ATP6V1B2: variants seen among roughly 807,000 people sequenced by gnomAD.
The protein encoded by ATP6V1B2 is ATPase H+ transporting V1 subunit B2, also known as V-type proton ATPase subunit B, brain isoform.
Under a neutral mutation model 66.7 loss-of-function variants are expected in ATP6V1B2, and 23 were observed. The observed-to-expected ratio is 0.34, with a 90% CI of 0.25 to 0.49. ATP6V1B2 has a LOEUF of 0.49. Ranked by LOEUF, ATP6V1B2 falls within the 20% of genes least tolerant of loss-of-function variation. ATP6V1B2 has a pLI of 0.99. For synonymous variants in ATP6V1B2, 278 were observed against 236.7 expected, an observed-to-expected ratio of 1.17 and a Z score of -1.60; for missense variants, 478 against 650.8, an observed-to-expected ratio of 0.73 and a Z score of 2.89.
chr8:20,209,589 G>C (rs536485728), intron 3 of ATP6V1B2, 58 bp downstream of exon 3: 1 of 1,450,312 alleles, frequency 6.9e-7, no homozygotes, highest in African/African-American at 1.4e-5. Flanking sequence ...AGGGAACACT[G>C]CTTGTTTCTT....
intron 13 of ATP6V1B2, among the ~76,000 whole-genome samples, chr8:20,218,555 C>T (rs1293833407): frequency 3.3e-5 from 5 of 152,092 alleles, no homozygotes; most frequent in Non-Finnish European, 7.4e-5. Context: ...AGCCCCTCTG[C>T]GGTACAACTT....
chr8:20,220,679 TAGTTAGTTACCTGATAAC>T lies in ATP6V1B2; in HGVS notation c.*281_*298del, dbSNP rs1307359881. ...GCTGTATGTATTGTACATAGTGGAG[TAGTTAGTTACCTGATAAC>T]AGTCTTGTTATTTGGGTCTCTTAGA... On this transcript the variant is annotated 3_prime_UTR_variant, in exon 14 of 14. Coordinates refer to ENST00000276390, the MANE Select transcript of ATP6V1B2 (RefSeq NM_001693.4). The T allele has an allele frequency of 6.8e-6, 2 of 294,326 alleles. No individual in the cohort carries two copies. Among genetic ancestry groups the T allele is most frequent in the African/African-American group, 4.4e-5 (2 of 45,096 alleles). 18.2% of individuals were successfully genotyped at this position (294,326 alleles called of 1,614,324 possible).
intron 9 of ATP6V1B2, 148 bp downstream of exon 9, chr8:20,213,053 T>G: frequency 8.8e-7 from 1 of 1,130,140 alleles, no homozygotes; most frequent in Non-Finnish European, 1.2e-6. Context: ...GAAAGGAAAC[T>G]ACTTCGTTTT....
intron 10 of ATP6V1B2, chr8:20,215,494 CT>C (rs2072845178): frequency 6.6e-6 from 1 of 152,254 alleles, no homozygotes; most frequent in African/African-American, 2.4e-5. Context: ...CCTGTGTTGC[CT>C]CTTTGTCCTT....
chr8:20,203,593 A>G (rs1221893442), intron 1 of ATP6V1B2, among the ~76,000 whole-genome samples: 1 of 152,172 alleles, frequency 6.6e-6, no homozygotes, highest in East Asian at 1.9e-4. Context: ...TCAAAACTTT[A>G]GTTCATGTAT....
At chr8:20,215,675 A>G (rs1007254044) in intron 10 of ATP6V1B2, 8 of 152,150 alleles carry the variant, frequency 5.3e-5, no homozygotes, top group African/African-American at 1.9e-4. Context: ...GAGATTAGCA[A>G]GTGATAGATT....
At chr8:20,199,102 A>C (rs1028223987) in intron 1 of ATP6V1B2, among the ~76,000 whole-genome samples, 2 of 152,256 alleles carry the variant, frequency 1.3e-5, no homozygotes, top group African/African-American at 4.8e-5. Context: ...TATCAACTGA[A>C]ATAACGTTGT....
At chr8:20,217,107 G>C in intron 11 of ATP6V1B2, 113 bp from the exon 12 acceptor site, 1 of 857,296 alleles carries the variant, frequency 1.2e-6, no homozygotes, top group South Asian at 1.5e-5. Flanking sequence ...GACAAATGCA[G>C]CGGTTGTCTT....
chr8:20,217,241 C>T lies in ATP6V1B2; in HGVS notation c.1183C>T (p.Leu395=), dbSNP rs1171634396. ...NRQIYPPINV[L]PSLSRLMKSA... Reference sequence around the variant, plus strand: ...CAAGATTTATCCACCTATCAATGTGCTGCCCTCACTATCACGGTTAATGAA... The same window carrying T: ...CAAGATTTATCCACCTATCAATGTGTTGCCCTCACTATCACGGTTAATGAA... The change falls in exon 12 of 14, where the codon CTG becomes TTG. Residue 395 remains leucine (L), a synonymous_variant. Transcript: ENST00000276390. The T allele has an allele frequency of 6.2e-7, 1 of 1,613,094 alleles. No individual in the cohort carries two copies. The highest frequency in any genetic ancestry group is 1.7e-5 in the Admixed American group (1 of 60,000).
chr8:20,199,162 A>G (rs961744471), intron 1 of ATP6V1B2, among the ~76,000 whole-genome samples: 1 of 152,226 alleles, frequency 6.6e-6, no homozygotes, highest in Non-Finnish European at 1.5e-5. Flanking sequence ...AGAGATGAAT[A>G]TGATTTCTCC....
At chr8:20,204,368 G>C (rs2072716901) in intron 1 of ATP6V1B2, 116 bp from the exon 2 acceptor site, 1 of 820,768 alleles carries the variant, frequency 1.2e-6, no homozygotes. Flanking sequence ...AGCTATTTGA[G>C]TGTACCGTAT....
chr8:20,211,448 C>A, intron 6 of ATP6V1B2, 132 bp downstream of exon 6: 1 of 1,356,212 alleles, frequency 7.4e-7, no homozygotes, highest in African/African-American at 1.5e-5. Flanking sequence ...AATCCAGTTA[C>A]CTCACATCTT....
chr8:20,211,755 T>C lies in ATP6V1B2; in HGVS notation c.705+2T>C. On this transcript the variant is annotated splice_donor_variant, in intron 7 of 13. Transcript: ENST00000276390. LOFTEE classifies it high-confidence loss of function. The stretch of plus-strand genomic sequence containing the variant: ...GCAATTGTATTTGCTGCTATGGGTG[T>C]AAGTAGAATTTTTGTTTTAGTATGA... 1 of 1,592,214 alleles carries C rather than the reference T, an allele frequency of 6.3e-7. No homozygotes were observed. The highest frequency in any genetic ancestry group is 8.5e-7 in the Non-Finnish European group (1 of 1,172,390).
chr8:20,209,384 G>C (rs138805885), intron 2 of ATP6V1B2, 49 bp from the exon 3 acceptor site: 13 of 1,549,936 alleles, frequency 8.4e-6, no homozygotes, highest in Middle Eastern at 1.7e-4. Flanking sequence ...TAGTAATTTG[G>C]GGGGCTTGTA....
chr8:20,214,633 T>C, intron 9 of ATP6V1B2, 185 bp from the exon 10 acceptor site: 1 of 610,378 alleles, frequency 1.6e-6, no homozygotes, highest in Non-Finnish European at 2.4e-6. Flanking sequence ...TTGTCAACAT[T>C]TTTGTTACAG....
chr8:20,216,315 C>T (rs2072854139), intron 10 of ATP6V1B2, 98 bp from the exon 11 acceptor site: 1 of 978,208 alleles, frequency 1.0e-6, no homozygotes, highest in Non-Finnish European at 1.6e-6. Context: ...ACAGGTAGTA[C>T]AGAGGGACTT....
At position 20,214,832 on chromosome 8, in the gene ATP6V1B2, G is replaced by A. The variant is rs1260417456; in HGVS notation, c.942G>A (p.Arg314=). Residue 314 remains arginine, a synonymous_variant, in exon 10 of 14, where the codon AGG becomes AGA. Transcript: ENST00000276390. The part of the protein sequence containing the change: ...AEALREVSAA[R]EEVPGRRGFP... ...CCTGCTGTCAGGTTTCAGCAGCCAG[G>A]GAAGAGGTACCTGGTCGACGAGGTT... 1 of 1,611,802 alleles carries A rather than the reference G, an allele frequency of 6.2e-7. No homozygotes were observed. Among genetic ancestry groups the A allele is most frequent in the Non-Finnish European group, 8.5e-7 (1 of 1,178,804 alleles).
chr8:20,213,137 A>C, intron 9 of ATP6V1B2: 16 of 469,442 alleles, frequency 3.4e-5, no homozygotes, highest in East Asian at 9.2e-5. Context: ...CACTATCTCC[A>C]TGGATTAAGA....
rs558158291 is a variant in ATP6V1B2 at position 20,204,650 on chromosome 8, G to C, written c.192+111G>C. 4.0e-4 allele frequency: 346 copies of C among 865,396 alleles called. 1 individual carries two copies. The highest frequency in any genetic ancestry group is 5.7e-4 in the Non-Finnish European group (327 of 571,304). 53.6% of individuals were successfully genotyped at this position (865,396 alleles called of 1,614,324 possible). Reference sequence around the variant, plus strand: ...GATTTTTAAGCCATACTTTAGACTGGGTGTCAGTCAGTCTAAAGCCCAGAT... The same window carrying C: ...GATTTTTAAGCCATACTTTAGACTGCGTGTCAGTCAGTCTAAAGCCCAGAT... On this transcript the variant is annotated intron_variant, in intron 2 of 13. Transcript: ENST00000276390.
Sources: gnomAD v4.1 joint callset for allele counts (sites outside exome capture counted in the v4.1 genomes callset) on GRCh38, gnomAD v4.1.1 for gene constraint, MANE v1.5 for transcripts, NCBI Gene and HGNC (gene_info 2026-07-23, HGNC 2026-07-21) for gene names.